Variants in TECRL observed in about 807,000 individuals in gnomAD.
The protein encoded by TECRL is trans-2,3-enoyl-CoA reductase-like.
TECRL carries 63 observed loss-of-function variants against 52.8 expected under a neutral mutation model. The observed-to-expected ratio is 1.19, with a 90% CI of 0.97 to 1.47. The LOEUF is 1.47. Among genes scored for constraint, TECRL ranks in the 40% most tolerant of loss-of-function variants. The probability of loss-of-function intolerance (pLI) is 0.00; values close to 1 mark genes in which losing one functional copy is unlikely to be tolerated. For missense variants in TECRL, 482 were observed against 429.6 expected, an observed-to-expected ratio of 1.12 and a Z score of -1.08; for synonymous variants, 164 against 141.9, an observed-to-expected ratio of 1.16 and a Z score of -1.10.
intron 1 of TECRL, among the ~76,000 whole-genome samples, chr4:64,399,271 C>A (rs1724176313): frequency 6.6e-6 from 1 of 152,142 alleles, no homozygotes; most frequent in Non-Finnish European, 1.5e-5. Flanking sequence ...GGCTACTTCT[C>A]ATAGCCTAAT....
At chr4:64,277,379 G>C (rs964115745), downstream of TECRL, among the ~76,000 whole-genome samples, 1 of 151,796 alleles carries the variant, frequency 6.6e-6, no homozygotes, top group African/African-American at 2.4e-5. Context: ...GCTGCATTAG[G>C]TATATATGAT....
At chr4:64,340,587 C>G (rs939914850) in intron 2 of TECRL, among the ~76,000 whole-genome samples, 2 of 152,210 alleles carry the variant, frequency 1.3e-5, no homozygotes, top group African/African-American at 4.8e-5. Flanking sequence ...CACTGACAAG[C>G]AAGGGAGGAA....
intron 2 of TECRL, among the ~76,000 whole-genome samples, chr4:64,341,152 T>A (rs1719541939): frequency 6.6e-6 from 1 of 152,080 alleles, no homozygotes; most frequent in South Asian, 2.1e-4. Context: ...GAAAGGAGCT[T>A]CTCCCTATAG....
intron 1 of TECRL, among the ~76,000 whole-genome samples, chr4:64,377,722 T>C (rs959580029): frequency 6.6e-6 from 1 of 152,142 alleles, no homozygotes; most frequent in African/African-American, 2.4e-5. Context: ...TTTAAGTTGA[T>C]GAAAACAAAA....
intron 2 of TECRL, among the ~76,000 whole-genome samples, chr4:64,364,015 A>G (rs950783407): frequency 6.6e-6 from 1 of 152,106 alleles, no homozygotes; most frequent in Non-Finnish European, 1.5e-5. Flanking sequence ...CTTGGCCATG[A>G]AGCAATTCTC....
intron 1 of TECRL, among the ~76,000 whole-genome samples, chr4:64,379,520 C>A (rs1440775329): frequency 6.6e-6 from 1 of 151,972 alleles, no homozygotes; most frequent in East Asian, 1.9e-4. Context: ...TTGAAATATA[C>A]AATATATGTT....
intron 4 of TECRL, among the ~76,000 whole-genome samples, chr4:64,321,150 A>C (rs1471758737): frequency 6.6e-6 from 1 of 152,088 alleles, no homozygotes; most frequent in African/African-American, 2.4e-5. Flanking sequence ...CTTAATGAAA[A>C]CATAAAATAG....
intron 1 of TECRL, among the ~76,000 whole-genome samples, chr4:64,384,706 A>G (rs1185338582): frequency 2.0e-5 from 3 of 152,042 alleles, no homozygotes; most frequent in Non-Finnish European, 4.4e-5. Flanking sequence ...GATGGTGTGC[A>G]TGGACACAGG....
intron 2 of TECRL, among the ~76,000 whole-genome samples, chr4:64,342,228 T>C (rs1039844771): frequency 6.6e-6 from 1 of 152,218 alleles, no homozygotes; most frequent in African/African-American, 2.4e-5. Flanking sequence ...TACTTATGTC[T>C]ATTAAGATTT....
At chr4:64,390,367 C>T (rs1438070798) in intron 1 of TECRL, among the ~76,000 whole-genome samples, 1 of 151,828 alleles carries the variant, frequency 6.6e-6, no homozygotes, top group African/African-American at 2.4e-5. Context: ...CAAAGTGGAG[C>T]ATGATCATGT....
chr4:64,282,677 C>T (rs1457923968), intron 9 of TECRL, among the ~76,000 whole-genome samples: 2 of 151,922 alleles, frequency 1.3e-5, no homozygotes. Flanking sequence ...TGTTCAGCCC[C>T]TAGAGGTGTG....
chr4:64,384,664 C>T (rs979360925), intron 1 of TECRL, among the ~76,000 whole-genome samples: 18 of 152,052 alleles, frequency 1.2e-4, no homozygotes, highest in African/African-American at 4.1e-4. Context: ...AGGGGCAGTG[C>T]CAGTTTGTAT....
At chr4:64,352,260 C>G (rs1720451015) in intron 2 of TECRL, among the ~76,000 whole-genome samples, 1 of 151,960 alleles carries the variant, frequency 6.6e-6, no homozygotes, top group Admixed American at 6.6e-5. Flanking sequence ...GTACAAGCAC[C>G]AAGGCACATC....
intron 1 of TECRL, among the ~76,000 whole-genome samples, chr4:64,404,513 G>A (rs1215782366): frequency 3.9e-5 from 6 of 151,910 alleles, no homozygotes; most frequent in African/African-American, 1.4e-4. Context: ...ACAAATACTT[G>A]AAAATGGTAT....
At position 64,288,174 on chromosome 4, in the gene TECRL, A is replaced by G. The variant is rs181837401; in HGVS notation, c.832+1536T>C. Among the ~76,000 whole-genome samples, 818 of 152,094 alleles carry G rather than the reference A, an allele frequency of 5.4e-3. 10 individuals carry two copies. Among genetic ancestry groups the G allele is most frequent in the African/African-American group, 0.018 (745 of 41,524 alleles). On this transcript the variant is annotated intron_variant, in intron 9 of 11. Transcript: ENST00000381210. ...TAAAAAAAAAAAAAAGAAAAGAAAT[A>G]CAAAATGGGTCATGAAGCAGTGGAG...
intron 1 of TECRL, among the ~76,000 whole-genome samples, chr4:64,376,183 T>C (rs1361091661): frequency 6.6e-6 from 1 of 151,910 alleles, no homozygotes; most frequent in Admixed American, 6.6e-5. Flanking sequence ...ACAAATACAT[T>C]TATTTTAACA....
At chr4:64,351,922 T>A (rs1720421050) in intron 2 of TECRL, among the ~76,000 whole-genome samples, 1 of 152,216 alleles carries the variant, frequency 6.6e-6, no homozygotes, top group Non-Finnish European at 1.5e-5. Context: ...CTAATTAATC[T>A]GCTCAAAGCA....
rs190729636 is a variant in TECRL, at chr4:64,341,029, C to T, written c.287-12473G>A. The stretch of plus-strand genomic sequence containing the variant: ...AGAACAACCCATTGCAGGACCTCCT[C>T]TCTGCTGAGAGCTGCAGAGATGATG... On this transcript the variant is annotated intron_variant, in intron 2 of 11. Transcript: ENST00000381210. Among the ~76,000 whole-genome samples, 219 of 152,218 alleles carry T rather than the reference C, an allele frequency of 1.4e-3. 2 individuals are homozygous for T. The East Asian group carries it at 0.039, about 27-fold the overall frequency.
chr4:64,339,806 T>A (rs1268024763), intron 2 of TECRL, among the ~76,000 whole-genome samples: 1 of 152,006 alleles, frequency 6.6e-6, no homozygotes, highest in Non-Finnish European at 1.5e-5. Context: ...TTATTTACAC[T>A]AATAATTCTC....
Sources: allele counts gnomAD v4.1 joint callset (sites outside exome capture counted in the v4.1 genomes callset), GRCh38; gene constraint gnomAD v4.1.1; transcripts MANE v1.5; gene names NCBI Gene and HGNC (gene_info 2026-07-23, HGNC 2026-07-21).